L3MBTL4: variants seen among roughly 807,000 people sequenced by gnomAD.
L3MBTL4 encodes the protein L3MBTL histone methyl-lysine binding protein 4.
In L3MBTL4, 70 loss-of-function variants were observed where a neutral mutation model predicts 84.5. The ratio of observed to expected loss-of-function variants is 0.83; its 90% confidence interval spans 0.68 to 1.01. The LOEUF (loss-of-function observed/expected upper bound fraction) is 1.01, where lower values mean the gene tolerates loss of function less well. L3MBTL4 is among the 50% of genes least tolerant of loss of function. The pLI is 0.00. For synonymous variants in L3MBTL4, 274 were observed against 259.8 expected (o/e 1.05, Z -0.52); for missense variants, 715 against 754.8 (o/e 0.95, Z 0.62).
At position 6,409,519 on chromosome 18, in the gene L3MBTL4, C is replaced by T. The variant is rs572266805; in HGVS notation, c.-91+5282G>A. 4.1e-4 allele frequency among the ~76,000 whole-genome samples: 63 copies of T among 152,186 alleles called. 1 individual carries two copies. The highest frequency in any genetic ancestry group is 1.5e-3 in the African/African-American group (62 of 41,520). ...ATTCGGCACATCCAATAATGCAGAC[C>T]ATCTGATCAGGACTGAAAAGCTACC... On this transcript the variant is annotated intron_variant, in intron 1 of 18. Transcript: ENST00000317931.
At chr18:6,252,039 C>T (rs1344275428) in intron 5 of L3MBTL4, among the ~76,000 whole-genome samples, 6 of 152,170 alleles carry the variant, frequency 3.9e-5, no homozygotes, top group South Asian at 2.1e-4. Context: ...AGGCCGGGCA[C>T]GGTGGCTCAC....
intron 4 of L3MBTL4, among the ~76,000 whole-genome samples, chr18:6,267,387 CA>C (rs2048680896): frequency 6.6e-6 from 1 of 152,182 alleles, no homozygotes; most frequent in African/African-American, 2.4e-5. Flanking sequence ...AAGGAGCTCA[CA>C]GTCCATTGGC....
rs867175312 is a variant in L3MBTL4, at chr18:6,351,697, G to A, written c.-90-39641C>T. On this transcript the variant is annotated intron_variant, in intron 1 of 18. Coordinates refer to ENST00000317931, the MANE Select transcript of L3MBTL4 (RefSeq NM_001330559.2). ...CTCCCGAGTAGCTGGGACCACAGGC[G>A]CCTGCCACCACCCCCGGCTAATTTT... Among the ~76,000 whole-genome samples the A allele has an allele frequency of 2.4e-4, 37 of 151,862 alleles. No homozygotes were observed. In the South Asian group the frequency reaches 5.5e-3, roughly 22 times the overall value.
At chr18:6,387,349 T>C (rs1471533793) in intron 1 of L3MBTL4, among the ~76,000 whole-genome samples, 2 of 152,194 alleles carry the variant, frequency 1.3e-5, no homozygotes, top group African/African-American at 2.4e-5. Context: ...CACTACAATC[T>C]TACCAGTCTT....
At chr18:6,116,366 T>G (rs988979727) in intron 14 of L3MBTL4, among the ~76,000 whole-genome samples, 2 of 150,128 alleles carry the variant, frequency 1.3e-5, no homozygotes, top group Non-Finnish European at 3.0e-5. Context: ...CTGGTTTTTT[T>G]TTTTTTTTTT....
chr18:6,314,384 A>G (rs887575520), intron 1 of L3MBTL4, among the ~76,000 whole-genome samples: 1 of 152,332 alleles, frequency 6.6e-6, no homozygotes, highest in South Asian at 2.1e-4. Context: ...CACATCAAAG[A>G]AACACATTAT....
At chr18:6,045,725 A>G (rs751610307) in intron 16 of L3MBTL4, among the ~76,000 whole-genome samples, 5 of 152,166 alleles carry the variant, frequency 3.3e-5, no homozygotes, top group Non-Finnish European at 7.4e-5. Flanking sequence ...ACACAGCCAA[A>G]CTACATCAGA....
intron 12 of L3MBTL4, among the ~76,000 whole-genome samples, chr18:6,179,214 TGTCA>T (rs951881155): frequency 1.3e-5 from 2 of 152,258 alleles, no homozygotes; most frequent in Non-Finnish European, 2.9e-5. Context: ...TTTGTTTTAC[TGTCA>T]GAGTCCTCAA....
chr18:6,033,714 T>G (rs900832222), intron 16 of L3MBTL4, among the ~76,000 whole-genome samples: 2 of 152,222 alleles, frequency 1.3e-5, no homozygotes, highest in Non-Finnish European at 2.9e-5. Flanking sequence ...TTTGTGTATA[T>G]TCTATAGCTG....
At chr18:6,087,844 G>A (rs1286383038) in intron 15 of L3MBTL4, among the ~76,000 whole-genome samples, 1 of 152,050 alleles carries the variant, frequency 6.6e-6, no homozygotes, top group Non-Finnish European at 1.5e-5. Flanking sequence ...TATATCTATA[G>A]CAATATCAAT....
rs2095223674 is a variant in L3MBTL4 at position 5,955,809 on chromosome 18, T to A, written c.*411A>T. The A allele has an allele frequency of 6.4e-6, 1 of 155,072 alleles. No homozygotes were observed. The highest frequency in any genetic ancestry group is 1.4e-5 in the Non-Finnish European group (1 of 70,068). 9.6% of individuals were successfully genotyped at this position (155,072 alleles called of 1,614,324 possible). Reference sequence around the variant, plus strand: ...ATCTGAGCCAAGCTCGATGTTGCTCTGGTAAAAACATTAACGATGTATTCA... The same window carrying A: ...ATCTGAGCCAAGCTCGATGTTGCTCAGGTAAAAACATTAACGATGTATTCA... On this transcript the variant is annotated 3_prime_UTR_variant, in exon 19 of 19. Coordinates refer to ENST00000317931, the MANE Select transcript of L3MBTL4 (RefSeq NM_001330559.2).
intron 12 of L3MBTL4, among the ~76,000 whole-genome samples, chr18:6,208,102 A>T (rs1260427767): frequency 2.0e-5 from 3 of 151,256 alleles, no homozygotes; most frequent in Non-Finnish European, 4.4e-5. Flanking sequence ...GCGACAAAAC[A>T]AGACCCTGTC....
chr18:6,194,759 G>C (rs2045298864), intron 12 of L3MBTL4, among the ~76,000 whole-genome samples: 1 of 152,192 alleles, frequency 6.6e-6, no homozygotes, highest in South Asian at 2.1e-4. Flanking sequence ...CGAAGACACA[G>C]GTGACAGGAA....
intron 12 of L3MBTL4, among the ~76,000 whole-genome samples, chr18:6,203,945 A>G (rs2045759244): frequency 6.6e-6 from 1 of 152,194 alleles, no homozygotes; most frequent in Admixed American, 6.5e-5. Flanking sequence ...AAGCCTGGGC[A>G]TGAAATCTGC....
At chr18:6,403,440 T>C (rs908088174) in intron 1 of L3MBTL4, among the ~76,000 whole-genome samples, 87 of 152,334 alleles carry the variant, frequency 5.7e-4, no homozygotes, top group Admixed American at 2.2e-3. Context: ...TCACGGTGAA[T>C]CTATTATAAC....
intron 16 of L3MBTL4, among the ~76,000 whole-genome samples, chr18:5,995,437 T>C (rs1482789600): frequency 2.0e-5 from 3 of 152,162 alleles, no homozygotes; most frequent in Non-Finnish European, 2.9e-5. Flanking sequence ...ATTTACAAGG[T>C]AGTCTTTCTG....
At chr18:5,959,823 T>C (rs960606429) in intron 18 of L3MBTL4, among the ~76,000 whole-genome samples, 6 of 152,016 alleles carry the variant, frequency 3.9e-5, no homozygotes, top group African/African-American at 9.7e-5. Flanking sequence ...ACCATGGCAT[T>C]CTGCAACAAA....
intron 5 of L3MBTL4, among the ~76,000 whole-genome samples, chr18:6,253,978 A>G (rs1466233546): frequency 6.6e-6 from 1 of 152,180 alleles, no homozygotes; most frequent in Non-Finnish European, 1.5e-5. Flanking sequence ...CCACATGTAC[A>G]CATTTGCTCT....
chr18:6,336,670 T>A (rs2052355015), intron 1 of L3MBTL4, among the ~76,000 whole-genome samples: 1 of 152,158 alleles, frequency 6.6e-6, no homozygotes, highest in Non-Finnish European at 1.5e-5. Context: ...AGGTGATACA[T>A]CCCCCAAATT....
Sources: allele counts gnomAD v4.1 joint callset (sites outside exome capture counted in the v4.1 genomes callset), GRCh38; gene constraint gnomAD v4.1.1; transcripts MANE v1.5; gene names NCBI Gene and HGNC (gene_info 2026-07-23, HGNC 2026-07-21).